Variants in CAPN13 observed in about 807,000 individuals in gnomAD.
CAPN13 encodes the protein calpain 13.
In CAPN13, 90 loss-of-function variants were observed where a neutral mutation model predicts 98.4. The observed-to-expected ratio is 0.92, with a 90% confidence interval of 0.77 to 1.09. The LOEUF is 1.09. Ranked by LOEUF, CAPN13 falls within the 50% of genes least tolerant of loss-of-function variation. CAPN13 has a pLI of 0.00. For missense variants in CAPN13, 887 were observed against 841.3 expected (o/e 1.05, Z -0.67); for synonymous variants, 330 against 305.5 (o/e 1.08, Z -0.84).
chr2:30,800,022 C>T (rs548387110), intron 1 of CAPN13, among the ~76,000 whole-genome samples: 6 of 150,948 alleles, frequency 4.0e-5, no homozygotes, highest in Admixed American at 2.0e-4. Flanking sequence ...TGCAGTGAGC[C>T]GAGATTGCGC....
In CAPN13 at chr2:30,803,747, T is replaced by G. The variant is rs532554321; in HGVS notation, c.-33+3555A>C. Reference sequence around the variant, plus strand: ...AACCCTACAACATGTATTAACAATTTGGATCTCTTTATTCACTAAATAGTT... The same window carrying G: ...AACCCTACAACATGTATTAACAATTGGGATCTCTTTATTCACTAAATAGTT... On this transcript the variant is annotated intron_variant, in intron 1 of 22. Coordinates refer to ENST00000295055, the MANE Select transcript of CAPN13 (RefSeq NM_144575.3). Among the ~76,000 whole-genome samples, 95 of 152,308 alleles carry G rather than the reference T, an allele frequency of 6.2e-4. No homozygotes were observed. The Middle Eastern group carries it at 0.01, about 16-fold the overall frequency.
intron 2 of CAPN13, among the ~76,000 whole-genome samples, chr2:30,785,482 C>T (rs1022769176): frequency 2.0e-5 from 3 of 152,108 alleles, no homozygotes; most frequent in Non-Finnish European, 4.4e-5. Flanking sequence ...CAGTAGAGCT[C>T]AGGTAAGCTT....
chr2:30,805,747 C>CTTTTTTTTTTTTTTT lies in CAPN13; in HGVS notation c.-33+1554_-33+1555insAAAAAAAAAAAAAAA, dbSNP rs72100161. Among the ~76,000 whole-genome samples the CTTTTTTTTTTTTTTT allele has an allele frequency of 2.8e-3, 337 of 121,514 alleles. 13 individuals are homozygous for CTTTTTTTTTTTTTTT. The highest frequency in any genetic ancestry group is 4.4e-3 in the Non-Finnish European group (267 of 60,794). The allele number at this position is 121,514 out of a possible 152,430, so 79.7% of individuals were successfully genotyped here. On this transcript the variant is annotated intron_variant, in intron 1 of 22. Transcript: ENST00000295055. ...TGAGCCTCAGGGCCAGTAGGTTGGT[C>CTTTTTTTTTTTTTTT]TTTTTTTTTTGAGACAGGGTCTTGC...
At chr2:30,758,824 C>T (rs1234859015) in intron 7 of CAPN13, among the ~76,000 whole-genome samples, 4 of 99,006 alleles carry the variant, frequency 4.0e-5, no homozygotes, top group Admixed American at 2.1e-4. Context: ...TTCCTCCCTT[C>T]CTTCCTCCCT....
rs1365608698 is a variant in CAPN13 at position 30,751,112 on chromosome 2, TTGGAAATCGAG to T, written c.1216_1226del (p.Leu406SerfsTer30). The T allele has an allele frequency of 6.2e-7, 1 of 1,613,638 alleles. No homozygotes were observed. Among genetic ancestry groups the T allele is most frequent in the Non-Finnish European group, 8.5e-7 (1 of 1,179,736 alleles). On this transcript the variant is annotated frameshift_variant, in exon 11 of 23. Coordinates refer to ENST00000295055, the MANE Select transcript of CAPN13 (RefSeq NM_144575.3). LOFTEE classifies it high-confidence loss of function. Reference sequence around the variant, plus strand: ...AAGCAGGCTGCCTTACCAGAATCACTTGGAAATCGAGTGGAAATTTTGCATCTTCTGCTTTC... The same window carrying T: ...AAGCAGGCTGCCTTACCAGAATCACTTGGAAATTTTGCATCTTCTGCTTTC...
chr2:30,760,323 T>G lies in CAPN13; in HGVS notation c.775-2186A>C, dbSNP rs962198602. Among the ~76,000 whole-genome samples, 5 of 152,314 alleles carry G rather than the reference T, an allele frequency of 3.3e-5. No homozygotes were observed. In the Middle Eastern group the frequency reaches 0.014, roughly 414 times the overall value. On this transcript the variant is annotated intron_variant, in intron 7 of 22. Transcript: ENST00000295055. ...GATGGATACGCAGTTTATTGTTAAC[T>G]GCCAGCACCTGACAGAGCCCATGGA...
chr2:30,787,867 T>C (rs1185981352), intron 1 of CAPN13, among the ~76,000 whole-genome samples: 8 of 151,942 alleles, frequency 5.3e-5, no homozygotes, highest in African/African-American at 1.9e-4. Flanking sequence ...TGCAGGGCTG[T>C]TAAAGAGGTG....
chr2:30,744,833 C>A (rs1359090291), intron 12 of CAPN13, among the ~76,000 whole-genome samples: 1 of 152,196 alleles, frequency 6.6e-6, no homozygotes, highest in African/African-American at 2.4e-5. Flanking sequence ...GGGATGGGTT[C>A]TGTGCTTTTC....
rs896750826 is a variant in CAPN13 at position 30,742,011 on chromosome 2, G to A, written c.1480-47C>T. 4.5e-6 allele frequency: 7 copies of A among 1,554,088 alleles called. No homozygotes were observed. The East Asian group carries it at 1.3e-4, about 30-fold the overall frequency. Reference sequence around the variant, plus strand: ...CAATGTTAGACTTCTGGGGAAGGAGGCCACCCATCTGGTACAGCAAGGGTG... The same window carrying A: ...CAATGTTAGACTTCTGGGGAAGGAGACCACCCATCTGGTACAGCAAGGGTG... On this transcript the variant is annotated intron_variant, in intron 14 of 22. Coordinates refer to ENST00000295055, the MANE Select transcript of CAPN13 (RefSeq NM_144575.3).
At chr2:30,792,036 C>T (rs1351958382) in intron 1 of CAPN13, among the ~76,000 whole-genome samples, 2 of 151,994 alleles carry the variant, frequency 1.3e-5, no homozygotes, top group African/African-American at 2.4e-5. Flanking sequence ...AATTCACAGG[C>T]GGAATTCAAT....
At chr2:30,774,883 A>G (rs909274891) in intron 4 of CAPN13, among the ~76,000 whole-genome samples, 1 of 152,194 alleles carries the variant, frequency 6.6e-6, no homozygotes, top group Admixed American at 6.5e-5. Flanking sequence ...AGGTACAAAA[A>G]TTCCAAGACA....
chr2:30,792,495 C>A (rs1674653115), intron 1 of CAPN13, among the ~76,000 whole-genome samples: 1 of 151,990 alleles, frequency 6.6e-6, no homozygotes, highest in Non-Finnish European at 1.5e-5. Context: ...TACAATTTAT[C>A]AAAGTTGACA....
intron 22 of CAPN13, among the ~76,000 whole-genome samples, chr2:30,730,331 C>T (rs1671020407): frequency 6.6e-6 from 1 of 152,244 alleles, no homozygotes; most frequent in Non-Finnish European, 1.5e-5. Context: ...GACAATGGTA[C>T]AGCTGGGGCT....
chr2:30,729,847 C>T (rs970579765), intron 22 of CAPN13: 3 of 152,146 alleles, frequency 2.0e-5, no homozygotes, highest in East Asian at 3.9e-4. Flanking sequence ...CTGTATACTT[C>T]GAAGGTATAT....
At chr2:30,801,604 TAAAAAAAAAAAAAA>T (rs10609363) in intron 1 of CAPN13, among the ~76,000 whole-genome samples, 2 of 79,978 alleles carry the variant, frequency 2.5e-5, no homozygotes, top group East Asian at 3.5e-4. Flanking sequence ...GACTCAGTCT[TAAAAAAAAAAAAAA>T]AAAAAAAAAG....
chr2:30,781,083 T>C (rs1326529143), intron 2 of CAPN13, among the ~76,000 whole-genome samples: 3 of 152,212 alleles, frequency 2.0e-5, no homozygotes, highest in African/African-American at 7.2e-5. Flanking sequence ...TTCCCACTAC[T>C]TTGATTTCAC....
chr2:30,775,811 C>G (rs1277552918), intron 4 of CAPN13, 119 bp downstream of exon 4: 4 of 537,156 alleles, frequency 7.4e-6, no homozygotes, highest in Admixed American at 3.9e-5. Context: ...GGGAGGGTAA[C>G]TAACACAACT....
At chr2:30,771,678 A>G (rs374118325) in intron 4 of CAPN13, among the ~76,000 whole-genome samples, 4 of 152,328 alleles carry the variant, frequency 2.6e-5, no homozygotes, top group African/African-American at 9.6e-5. Flanking sequence ...CAAAAGGACA[A>G]CCTGGATTTT....
chr2:30,725,381 C>A (rs1028929627), intron 22 of CAPN13, among the ~76,000 whole-genome samples: 1 of 152,050 alleles, frequency 6.6e-6, no homozygotes, highest in African/African-American at 2.4e-5. Flanking sequence ...ATACCTATAT[C>A]CCAATCTGCT....
Sources: allele counts gnomAD v4.1 joint callset (sites outside exome capture counted in the v4.1 genomes callset), GRCh38; gene constraint gnomAD v4.1.1; transcripts MANE v1.5; gene names NCBI Gene and HGNC (gene_info 2026-07-23, HGNC 2026-07-21).